The following AGAP1 variants were observed in gnomAD, a reference collection of about 807,000 sequenced individuals.
The protein encoded by AGAP1 is ArfGAP with GTPase domain, ankyrin repeat and PH domain 1.
Under a neutral mutation model 105.3 loss-of-function variants are expected in AGAP1, and 29 were observed. The ratio of observed to expected loss-of-function variants is 0.28; its 90% CI spans 0.21 to 0.38. The LOEUF is 0.38. Among genes scored for constraint, AGAP1 ranks in the 10% least tolerant of loss-of-function variants. AGAP1 has a pLI of 1.00. For missense variants in AGAP1, 998 were observed against 1,165.1 expected, an observed-to-expected ratio of 0.86 and a Z score of 2.09; for synonymous variants, 509 against 485.9, an observed-to-expected ratio of 1.05 and a Z score of -0.63.
In AGAP1 at chr2:235,625,293, T is replaced by C. The variant is rs758263353; in HGVS notation, c.164-83886T>C. On this transcript the variant is annotated intron_variant, in intron 1 of 17. Coordinates refer to ENST00000304032, the MANE Select transcript of AGAP1 (RefSeq NM_001037131.3). This position sits in a 1 kb window ranked among gnomAD's most constrained non-coding sequence, Gnocchi z 4.0. ...ACTCAGGCCTCCAACTCTGGGGTGA[T>C]GCCTTTAGCAGCATTGAGTATAAGG... Among the ~76,000 whole-genome samples the C allele has an allele frequency of 2.0e-5, 3 of 152,188 alleles. No homozygotes were observed. Among genetic ancestry groups the C allele is most frequent in the Non-Finnish European group, 4.4e-5 (3 of 68,028 alleles).
chr2:235,710,464 C>T (rs1950795136), intron 2 of AGAP1, among the ~76,000 whole-genome samples: 1 of 152,192 alleles, frequency 6.6e-6, no homozygotes, highest in Non-Finnish European at 1.5e-5. Context: ...CGCGGGGTGT[C>T]ATCAGCTGGG....
chr2:235,637,878 A>G (rs1947058754), intron 1 of AGAP1, among the ~76,000 whole-genome samples: 1 of 152,110 alleles, frequency 6.6e-6, no homozygotes. Context: ...GAGTGCAGGA[A>G]GAGACAGATG....
chr2:235,998,002 C>T (rs2055892333), intron 13 of AGAP1, among the ~76,000 whole-genome samples: 1 of 152,010 alleles, frequency 6.6e-6, no homozygotes, highest in Non-Finnish European at 1.5e-5. Context: ...AAAGTGGACC[C>T]CAGGCATTTT....
chr2:235,670,654 G>C, intron 1 of AGAP1: 1 of 642,618 alleles, frequency 1.6e-6, no homozygotes, highest in Non-Finnish European at 2.8e-6. Context: ...CCTGGGCGCC[G>C]TGCGACGAGG....
chr2:235,826,595 GCC>G (rs1959083134), intron 9 of AGAP1, among the ~76,000 whole-genome samples: 1 of 151,850 alleles, frequency 6.6e-6, no homozygotes, highest in African/African-American at 2.4e-5. Context: ...GATTACAGGC[GCC>G]CGCCACCACA....
intron 13 of AGAP1, among the ~76,000 whole-genome samples, chr2:236,029,992 C>T (rs983924252): frequency 6.6e-6 from 1 of 152,228 alleles, no homozygotes; most frequent in African/African-American, 2.4e-5. Context: ...TGCCACCTCA[C>T]ATCCCAAAGT....
chr2:236,100,611 G>C (rs1317526354), intron 16 of AGAP1, among the ~76,000 whole-genome samples: 1 of 152,114 alleles, frequency 6.6e-6, no homozygotes, highest in African/African-American at 2.4e-5. Flanking sequence ...GATCAGTTGA[G>C]ATCAGGAGTT....
chr2:235,678,376 A>G (rs1279957915), intron 1 of AGAP1, among the ~76,000 whole-genome samples: 1 of 152,228 alleles, frequency 6.6e-6, no homozygotes, highest in Non-Finnish European at 1.5e-5. Flanking sequence ...ACACATAGAA[A>G]GGACACAGTG....
At position 236,082,525 on chromosome 2, in the gene AGAP1, A is replaced by T. The variant is rs539753849; in HGVS notation, c.2114+33244A>T. 2.0e-5 allele frequency among the ~76,000 whole-genome samples: 3 copies of T among 152,340 alleles called. No individual in the cohort carries two copies. Among genetic ancestry groups the T allele is most frequent in the Admixed American group, 2.0e-4 (3 of 15,298 alleles). On this transcript the variant is annotated intron_variant, in intron 16 of 17. Coordinates refer to ENST00000304032, the MANE Select transcript of AGAP1 (RefSeq NM_001037131.3). The surrounding 1 kb of genome is among the most constrained non-coding windows in gnomAD (Gnocchi z 4.2). ...AAGGAAGATGGTTCCCAAAAGGCCT[A>T]TCAGGGGCAAACAGCTCACCTGCAG...
At chr2:235,947,738 C>T (rs2053561720) in intron 12 of AGAP1, among the ~76,000 whole-genome samples, 1 of 152,180 alleles carries the variant, frequency 6.6e-6, no homozygotes, top group Non-Finnish European at 1.5e-5. Flanking sequence ...CAGTCAGCCT[C>T]TGTTGAGTGA....
chr2:235,824,046 T>TA lies in AGAP1; in HGVS notation c.1050+16716dup, dbSNP rs1445826784. 6.6e-6 allele frequency among the ~76,000 whole-genome samples: 1 copy of TA among 152,230 alleles called. No individual in the cohort carries two copies. Among genetic ancestry groups the TA allele is most frequent in the Non-Finnish European group, 1.5e-5 (1 of 68,048 alleles). On this transcript the variant is annotated intron_variant, in intron 9 of 17. Coordinates refer to ENST00000304032, the MANE Select transcript of AGAP1 (RefSeq NM_001037131.3). The surrounding 1 kb of genome is among the most constrained non-coding windows in gnomAD (Gnocchi z 5.2). ...CAGTGGTCTTCACATTGAAGGGCCT[T>TA]ATGTAGCACCGAGCTCCCAGTATGT... is the stretch of plus-strand genomic sequence containing the variant.
chr2:235,709,320 T>C, intron 2 of AGAP1, 83 bp downstream of exon 2: 1 of 1,465,832 alleles, frequency 6.8e-7, no homozygotes, highest in Non-Finnish European at 9.5e-7. Context: ...AGGCAACTGG[T>C]CATCGCCTGG....
At chr2:235,807,586 TGA>T (rs1957903234) in intron 9 of AGAP1, among the ~76,000 whole-genome samples, 1 of 152,220 alleles carries the variant, frequency 6.6e-6, no homozygotes, top group Non-Finnish European at 1.5e-5. Flanking sequence ...GTTTCCAGGC[TGA>T]GAGCTTTCAA....
Position 235,690,016 on chromosome 2 carries a change from A to G in AGAP1, c.164-19163A>G, listed in dbSNP as rs1258026915. On this transcript the variant is annotated intron_variant, in intron 1 of 17. Coordinates refer to ENST00000304032, the MANE Select transcript of AGAP1 (RefSeq NM_001037131.3). The surrounding 1 kb of genome is among the most constrained non-coding windows in gnomAD (Gnocchi z 4.1). ...TTGTTGCATGCGTTTGATGAAAGTG[A>G]TATCACAGCAAATGCAAAGGTGACT... Among the ~76,000 whole-genome samples the G allele has an allele frequency of 4.6e-5, 7 of 152,076 alleles. No individual in the cohort carries two copies. The highest frequency in any genetic ancestry group is 1.7e-4 in the African/African-American group (7 of 41,404).
intron 1 of AGAP1, among the ~76,000 whole-genome samples, chr2:235,649,031 T>G (rs1385496950): frequency 6.6e-6 from 1 of 152,212 alleles, no homozygotes; most frequent in Non-Finnish European, 1.5e-5. Flanking sequence ...AGCCTGAGAA[T>G]GTGACTTGTG....
chr2:236,033,494 A>G (rs762841920), intron 13 of AGAP1, among the ~76,000 whole-genome samples: 6 of 152,264 alleles, frequency 3.9e-5, no homozygotes, highest in Non-Finnish European at 5.9e-5. Flanking sequence ...TTACAGTGCA[A>G]GATACCAGAT....
chr2:235,815,899 T>C lies in AGAP1; in HGVS notation c.1050+8568T>C, dbSNP rs1008747647. 7.2e-5 allele frequency among the ~76,000 whole-genome samples: 11 copies of C among 152,176 alleles called. No individual in the cohort carries two copies. In the South Asian group the frequency reaches 1.0e-3, roughly 14 times the overall value. ...TGTTGAGGCCTTTCAGTCCCGTCCA[T>C]GGGAGACCTCCTTCAGGCTGGTTTT... On this transcript the variant is annotated intron_variant, in intron 9 of 17. Transcript: ENST00000304032.
chr2:236,036,533 A>G lies in AGAP1; in HGVS notation c.1646-28A>G, dbSNP rs766842470. The G allele has an allele frequency of 3.1e-6, 5 of 1,611,250 alleles. No individual in the cohort carries two copies. In the Admixed American group the frequency reaches 6.7e-5, roughly 22 times the overall value. ...GGGACTGCTGTCTCATAAAAGCTAAACTCTTCATCCCACACTCTGTGTTTC... is the reference window on the plus strand; with the variant it reads ...GGGACTGCTGTCTCATAAAAGCTAAGCTCTTCATCCCACACTCTGTGTTTC... On this transcript the variant is annotated intron_variant, in intron 13 of 17. Coordinates refer to ENST00000304032, the MANE Select transcript of AGAP1 (RefSeq NM_001037131.3). The surrounding 1 kb of genome is among the most constrained non-coding windows in gnomAD (Gnocchi z 5.7).
chr2:235,501,670 A>G (rs1228293188), intron 1 of AGAP1, among the ~76,000 whole-genome samples: 1 of 152,082 alleles, frequency 6.6e-6, no homozygotes, highest in Non-Finnish European at 1.5e-5. Flanking sequence ...TTCCCCCTGT[A>G]TACCCTGCAG....
Sources: allele counts gnomAD v4.1 joint callset (sites outside exome capture counted in the v4.1 genomes callset), GRCh38; gene constraint gnomAD v4.1.1; non-coding constraint Gnocchi (gnomAD v3.1); transcripts MANE v1.5; gene names NCBI Gene and HGNC (gene_info 2026-07-23, HGNC 2026-07-21).